DCLK1: variants seen among roughly 807,000 people sequenced by gnomAD.
DCLK1 encodes serine/threonine-protein kinase DCLK1.
DCLK1 carries 16 observed loss-of-function variants against 86.2 expected under a neutral mutation model. That is an observed-to-expected ratio of 0.19 (90% CI 0.13 to 0.28). DCLK1 has a LOEUF of 0.28. DCLK1 is among the 10% of genes least tolerant of loss of function. DCLK1 has a pLI of 1.00. For missense variants in DCLK1, 590 were observed against 940.2 expected, an observed-to-expected ratio of 0.63 and a Z score of 4.87; for synonymous variants, 369 against 370.5, an observed-to-expected ratio of 1.00 and a Z score of 0.05.
chr13:36,026,199 T>C (rs1253552916), intron 3 of DCLK1, among the ~76,000 whole-genome samples: 2 of 152,218 alleles, frequency 1.3e-5, no homozygotes, highest in Non-Finnish European at 1.5e-5. Flanking sequence ...AGGAAATGTG[T>C]TGATCTGGCA....
intron 5 of DCLK1, among the ~76,000 whole-genome samples, chr13:35,868,430 A>G (rs1872012956): frequency 6.6e-6 from 1 of 152,180 alleles, no homozygotes; most frequent in South Asian, 2.1e-4. Context: ...AACACATAAG[A>G]ATTTGGCTAA....
At chr13:36,107,683 G>A (rs976613) in intron 3 of DCLK1, among the ~76,000 whole-genome samples, 2 of 152,060 alleles carry the variant, frequency 1.3e-5, no homozygotes. Flanking sequence ...CACCTACTTA[G>A]GCACTAGCTG....
intron 3 of DCLK1, among the ~76,000 whole-genome samples, chr13:36,000,409 C>G (rs147093880): frequency 1.4e-3 from 208 of 152,314 alleles, no homozygotes; most frequent in African/African-American, 4.5e-3. Context: ...GGTCTGGCCA[C>G]ATCAGCAGCT....
chr13:35,916,380 T>G (rs1875410755), intron 4 of DCLK1, among the ~76,000 whole-genome samples: 1 of 152,142 alleles, frequency 6.6e-6, no homozygotes, highest in African/African-American at 2.4e-5. Flanking sequence ...AGGCAGTCCC[T>G]CTGACCCTCT....
chr13:36,093,348 C>G (rs6563338), intron 3 of DCLK1, among the ~76,000 whole-genome samples: 1 of 151,956 alleles, frequency 6.6e-6, no homozygotes, highest in African/African-American at 2.4e-5. Context: ...TCAGTACTAC[C>G]AGGTCTTGGA....
At chr13:36,127,166 T>C (rs759533684) in intron 1 of DCLK1, among the ~76,000 whole-genome samples, 6 of 152,360 alleles carry the variant, frequency 3.9e-5, no homozygotes, top group East Asian at 1.9e-4. Context: ...GCAAATTAAA[T>C]CAATCTGTAG....
chr13:35,813,327 C>T (rs1485426067), intron 11 of DCLK1, among the ~76,000 whole-genome samples: 1 of 152,196 alleles, frequency 6.6e-6, no homozygotes, highest in Non-Finnish European at 1.5e-5. Context: ...ACAGTATCTA[C>T]ACCACCTAAC....
rs973230682 is a variant in DCLK1 at position 35,770,061 on chromosome 13, T to G, written c.*4474A>C. On this transcript the variant is annotated 3_prime_UTR_variant, in exon 17 of 17. Coordinates refer to ENST00000360631, the MANE Select transcript of DCLK1 (RefSeq NM_001330071.2). ...CACTGAAGTTCCTGTTTCCCACCAG[T>G]TTACGACCCTTAATGTTACTGCATG... 1 of 152,202 alleles carries G rather than the reference T, an allele frequency of 6.6e-6. No individual in the cohort carries two copies. Among genetic ancestry groups the G allele is most frequent in the South Asian group, 2.1e-4 (1 of 4,832 alleles). The allele number at this position is 152,202 out of a possible 1,614,324, so 9.4% of individuals were successfully genotyped here.
chr13:36,091,049 T>C (rs574836217), intron 3 of DCLK1, among the ~76,000 whole-genome samples: 1 of 152,386 alleles, frequency 6.6e-6, no homozygotes, highest in East Asian at 1.9e-4. Flanking sequence ...TCTTTTCCTG[T>C]AAATTTGTTT....
At chr13:35,828,411 T>C (rs1868662277) in intron 8 of DCLK1, 104 bp from the exon 9 acceptor site, 2 of 898,846 alleles carry the variant, frequency 2.2e-6, no homozygotes, top group Admixed American at 2.8e-5. Flanking sequence ...TGCATCATGT[T>C]GTAAATATTT....
At chr13:35,995,762 G>A (rs921933925) in intron 3 of DCLK1, among the ~76,000 whole-genome samples, 7 of 152,110 alleles carry the variant, frequency 4.6e-5, no homozygotes, top group African/African-American at 7.2e-5. Flanking sequence ...ACCCACGTAC[G>A]TGAGATCACA....
At chr13:35,832,989 G>C (rs1479932841) in intron 8 of DCLK1, among the ~76,000 whole-genome samples, 1 of 152,174 alleles carries the variant, frequency 6.6e-6, no homozygotes, top group Non-Finnish European at 1.5e-5. Flanking sequence ...TGAGGTTATT[G>C]AGAATTTTGA....
intron 3 of DCLK1, among the ~76,000 whole-genome samples, chr13:35,965,025 C>T (rs1353120830): frequency 6.6e-6 from 1 of 152,070 alleles, no homozygotes; most frequent in Admixed American, 6.6e-5. Context: ...GTTTGCTGAC[C>T]GCTGACTTAA....
rs1424706154 is a variant in DCLK1 at position 35,769,884 on chromosome 13, C to CATT, written c.*4648_*4650dup. The CATT allele has an allele frequency of 6.6e-6, 1 of 152,180 alleles. No homozygotes were observed. Among genetic ancestry groups the CATT allele is most frequent in the African/African-American group, 2.4e-5 (1 of 41,444 alleles). The allele number at this position is 152,180 out of a possible 1,614,324, so 9.4% of individuals were successfully genotyped here. A position where few individuals can be genotyped will look rare whatever the true frequency, so the allele number is the denominator to read the frequency against. ...GGGAACAAAATGAAACTAGATCTCT[C>CATT]ATTTGTCTGTATGGGCAAGATATGG... On this transcript the variant is annotated 3_prime_UTR_variant, in exon 17 of 17. Transcript: ENST00000360631.
chr13:36,039,664 C>T (rs1035276092), intron 3 of DCLK1, among the ~76,000 whole-genome samples: 1 of 151,858 alleles, frequency 6.6e-6, no homozygotes, highest in African/African-American at 2.4e-5. Context: ...AAATACACTG[C>T]CCTTCTATCT....
intron 11 of DCLK1, 142 bp from the exon 12 acceptor site, chr13:35,811,110 A>G (rs2087131919): frequency 1.0e-6 from 1 of 991,880 alleles, no homozygotes; most frequent in African/African-American, 1.6e-5. Context: ...ATGGATATAC[A>G]TACAAAATAG....
intron 3 of DCLK1, among the ~76,000 whole-genome samples, chr13:36,013,619 T>C (rs1881390221): frequency 1.3e-5 from 2 of 152,166 alleles, no homozygotes; most frequent in South Asian, 2.1e-4. Context: ...GGAGAACCAC[T>C]GCTCTCTTCA....
chr13:35,987,787 G>A (rs923400893), intron 3 of DCLK1, among the ~76,000 whole-genome samples: 2 of 152,110 alleles, frequency 1.3e-5, no homozygotes, highest in Non-Finnish European at 2.9e-5. Context: ...CTTTTCCCTC[G>A]GACTTGAGGT....
At chr13:35,949,890 T>G (rs904094915) in intron 3 of DCLK1, among the ~76,000 whole-genome samples, 1 of 136,604 alleles carries the variant, frequency 7.3e-6, no homozygotes, top group Non-Finnish European at 1.5e-5. Context: ...TTTCCAACAC[T>G]GAGACTCCAA....
Sources: gnomAD v4.1 joint callset for allele counts (sites outside exome capture counted in the v4.1 genomes callset) on GRCh38, gnomAD v4.1.1 for gene constraint, MANE v1.5 for transcripts, NCBI Gene and HGNC (gene_info 2026-07-23, HGNC 2026-07-21) for gene names.